The following FBXL13 variants were observed in gnomAD, a reference collection of about 807,000 sequenced individuals.
FBXL13 encodes F-box and leucine-rich repeat protein 13.
In FBXL13, 67 loss-of-function variants were observed where a neutral mutation model predicts 83.6. That is an observed-to-expected ratio of 0.80 (90% CI 0.66 to 0.98). The LOEUF (loss-of-function observed/expected upper bound fraction) is 0.98. FBXL13 is among the 50% of genes least tolerant of loss of function. FBXL13 has a pLI of 0.00. For missense variants in FBXL13, 822 were observed against 866.5 expected (o/e 0.95, Z 0.64); for synonymous variants, 272 against 299.5 (o/e 0.91, Z 0.95).
intron 16 of FBXL13, chr7:102,857,764 C>T (rs1190955368): frequency 6.6e-6 from 1 of 152,166 alleles, no homozygotes; most frequent in African/African-American, 2.4e-5. Flanking sequence ...GAGATGTCAT[C>T]TCACCCCAGT....
intron 16 of FBXL13, among the ~76,000 whole-genome samples, chr7:102,874,846 C>T (rs539508043): frequency 6.6e-6 from 1 of 152,334 alleles, no homozygotes; most frequent in East Asian, 1.9e-4. Context: ...GGATTACAGG[C>T]ATGAGCCATC....
At chr7:102,977,765 G>T (rs984320265) in intron 6 of FBXL13, among the ~76,000 whole-genome samples, 2 of 152,168 alleles carry the variant, frequency 1.3e-5, no homozygotes, top group African/African-American at 4.8e-5. Flanking sequence ...ATACTATGCA[G>T]CCATAAAAAA....
intron 8 of FBXL13, among the ~76,000 whole-genome samples, chr7:102,948,339 C>T (rs1012801251): frequency 6.6e-6 from 1 of 152,122 alleles, no homozygotes. Context: ...GCTGGGATTA[C>T]AGGACCACTG....
intron 2 of FBXL13, among the ~76,000 whole-genome samples, chr7:103,049,242 C>T (rs1796578872): frequency 6.6e-6 from 1 of 152,102 alleles, no homozygotes; most frequent in Non-Finnish European, 1.5e-5. Flanking sequence ...GTAATGTCTC[C>T]AAAATAAATT....
At chr7:103,055,927 T>G (rs1010921126) in intron 1 of FBXL13, among the ~76,000 whole-genome samples, 180 bp from the exon 2 acceptor site, 1 of 152,178 alleles carries the variant, frequency 6.6e-6, no homozygotes, top group Non-Finnish European at 1.5e-5. Flanking sequence ...TAGCGGTGAT[T>G]TGTGAGATTT....
exon 19 of FBXL13, chr7:102,822,191 C>T (rs749767480): frequency 6.2e-7 from 1 of 1,614,050 alleles, no homozygotes; most frequent in Non-Finnish European, 8.5e-7. Flanking sequence ...ATCTCCATTG[C>T]TGAGTCAGTA....
At chr7:102,861,708 G>A (rs1313711358) in intron 16 of FBXL13, among the ~76,000 whole-genome samples, 8 of 152,196 alleles carry the variant, frequency 5.3e-5, no homozygotes, top group Non-Finnish European at 7.3e-5. Context: ...CAGGCCGGGC[G>A]CGGTGGCTCA....
At chr7:102,835,429 G>T (rs939287912) in intron 17 of FBXL13, among the ~76,000 whole-genome samples, 2 of 152,090 alleles carry the variant, frequency 1.3e-5, no homozygotes, top group African/African-American at 4.8e-5. Context: ...TAAGCCCCTT[G>T]TACTGCCTGG....
intron 11 of FBXL13, among the ~76,000 whole-genome samples, chr7:102,884,893 T>C (rs1346522898): frequency 6.6e-6 from 1 of 152,242 alleles, no homozygotes; most frequent in Non-Finnish European, 1.5e-5. Flanking sequence ...TTATACAATA[T>C]GTGGCCTTTT....
At chr7:102,920,625 C>G (rs1386156806) in intron 10 of FBXL13, among the ~76,000 whole-genome samples, 1 of 151,984 alleles carries the variant, frequency 6.6e-6, no homozygotes, top group Non-Finnish European at 1.5e-5. Context: ...TGCTGGGTTA[C>G]AGCAAGCCAC....
At chr7:102,882,468 C>A (rs1010810679) in intron 14 of FBXL13, among the ~76,000 whole-genome samples, 1 of 151,608 alleles carries the variant, frequency 6.6e-6, no homozygotes, top group Non-Finnish European at 1.5e-5. Context: ...AGCAAGAAAC[C>A]TCTTGATCCT....
In FBXL13 at chr7:102,909,609, T is replaced by C. The variant is rs1022622600; in HGVS notation, c.1008+3477A>G. On this transcript the variant is annotated intron_variant, in intron 11 of 19. Transcript: ENST00000313221. ...GGCTCTTCAGTTAACAGGTGATGAA[T>C]GTTGCCAGGACTGGGTCCCTTCCTT... is the stretch of plus-strand genomic sequence containing the variant. Among the ~76,000 whole-genome samples the C allele has an allele frequency of 3.3e-5, 5 of 152,276 alleles. 1 individual carries two copies. Among genetic ancestry groups the C allele is most frequent in the Middle Eastern group, 6.8e-3 (2 of 294 alleles).
chr7:102,930,609 T>C (rs1485996241), intron 9 of FBXL13, among the ~76,000 whole-genome samples: 3 of 152,246 alleles, frequency 2.0e-5, no homozygotes. Flanking sequence ...CTGTTCACTT[T>C]GGTTCTTTCT....
At chr7:103,016,052 G>A (rs1307843584) in intron 6 of FBXL13, among the ~76,000 whole-genome samples, 4 of 152,100 alleles carry the variant, frequency 2.6e-5, no homozygotes, top group African/African-American at 9.7e-5. Flanking sequence ...TCATGGATAG[G>A]AAGAATCAAT....
intron 8 of FBXL13, chr7:102,942,488 GT>G (rs1821656416): frequency 3.8e-6 from 2 of 528,992 alleles, no homozygotes; most frequent in Non-Finnish European, 6.5e-6. Flanking sequence ...ACTAAAACTA[GT>G]TTTCTCAAGT....
chr7:102,928,372 A>G (rs1818525219), intron 9 of FBXL13, among the ~76,000 whole-genome samples: 1 of 152,218 alleles, frequency 6.6e-6, no homozygotes, highest in South Asian at 2.1e-4. Context: ...AATGTACTCA[A>G]ATCTTTCTGA....
intron 6 of FBXL13, among the ~76,000 whole-genome samples, chr7:102,972,958 T>A (rs1826906583): frequency 6.6e-6 from 1 of 152,162 alleles, no homozygotes; most frequent in Admixed American, 6.5e-5. Context: ...CATTTATGGT[T>A]AAAATGTGAT....
At chr7:102,890,740 C>G (rs1006301510) in intron 11 of FBXL13, among the ~76,000 whole-genome samples, 1 of 152,132 alleles carries the variant, frequency 6.6e-6, no homozygotes, top group Non-Finnish European at 1.5e-5. Flanking sequence ...TTCCACTTCC[C>G]ACTCCTCCAA....
intron 2 of FBXL13, among the ~76,000 whole-genome samples, chr7:103,039,113 AG>A (rs1795389176): frequency 6.6e-6 from 1 of 152,246 alleles, no homozygotes; most frequent in African/African-American, 2.4e-5. Context: ...TGAATAGTGT[AG>A]AGAAGACCTT....
Sources: allele counts gnomAD v4.1 joint callset (sites outside exome capture counted in the v4.1 genomes callset), GRCh38; gene constraint gnomAD v4.1.1; transcripts MANE v1.5; gene names NCBI Gene and HGNC (gene_info 2026-07-23, HGNC 2026-07-21).